Variants in EFCAB5 observed in about 807,000 individuals in gnomAD.
EFCAB5 encodes EF-hand calcium binding domain 5.
EFCAB5 carries 131 observed loss-of-function variants against 167.9 expected under a neutral mutation model. That is an observed-to-expected ratio of 0.78 (90% CI 0.68 to 0.90). EFCAB5 has a LOEUF of 0.90. EFCAB5 is among the 40% of genes least tolerant of loss of function. The probability of loss-of-function intolerance (pLI) is 0.00; values close to 1 mark genes in which losing one functional copy is unlikely to be tolerated. For missense variants in EFCAB5, 1,663 were observed against 1,745.2 expected (o/e 0.95, Z 0.84); for synonymous variants, 574 against 602.8 (o/e 0.95, Z 0.70).
At chr17:30,080,549 TG>T (rs2070965120) in intron 16 of EFCAB5, among the ~76,000 whole-genome samples, 2 of 104,562 alleles carry the variant, frequency 1.9e-5, no homozygotes, top group East Asian at 4.6e-4. Context: ...CATCCAAGCT[TG>T]TTTTTTTTTT....
chr17:30,093,000 T>C (rs1375624925), intron 22 of EFCAB5, 64 bp downstream of exon 22: 11 of 1,327,090 alleles, frequency 8.3e-6, no homozygotes, highest in African/African-American at 1.5e-5. Flanking sequence ...GTTGTGATTT[T>C]TATTAGGATA....
intron 7 of EFCAB5, among the ~76,000 whole-genome samples, chr17:30,007,445 C>T (rs911024005): frequency 1.2e-4 from 19 of 152,168 alleles, no homozygotes; most frequent in African/African-American, 4.1e-4. Context: ...TACTCATAAA[C>T]TGCCCAAGTA....
intron 22 of EFCAB5, among the ~76,000 whole-genome samples, chr17:30,096,677 A>ATATTTTTTTTT (rs1193558323): frequency 1.2e-4 from 7 of 60,128 alleles, no homozygotes; most frequent in African/African-American, 5.9e-4. Flanking sequence ...ATATATATAT[A>ATATTTTTTTTT]TTTTTTTTTT....
intron 7 of EFCAB5, among the ~76,000 whole-genome samples, chr17:30,027,958 C>T (rs1376278247): frequency 2.6e-5 from 4 of 152,312 alleles, no homozygotes; most frequent in Admixed American, 2.6e-4. Context: ...GAGGTCCACT[C>T]CTGAATCATA....
At chr17:29,957,183 C>CT (rs2067633016) in intron 3 of EFCAB5, among the ~76,000 whole-genome samples, 1 of 151,974 alleles carries the variant, frequency 6.6e-6, no homozygotes, top group African/African-American at 2.4e-5. Flanking sequence ...TCATCAAATG[C>CT]TTTTTTGGCA....
At chr17:30,062,467 C>A (rs758602580) in intron 14 of EFCAB5, among the ~76,000 whole-genome samples, 57 of 152,226 alleles carry the variant, frequency 3.7e-4, no homozygotes, top group Admixed American at 6.5e-4. Context: ...ACACAGCTCA[C>A]TACTGGGGTC....
chr17:30,050,425 G>T (rs1470006207), intron 8 of EFCAB5, among the ~76,000 whole-genome samples: 1 of 152,190 alleles, frequency 6.6e-6, no homozygotes, highest in South Asian at 2.1e-4. Flanking sequence ...GTGAGCCACC[G>T]CGCCTGGCCT....
At chr17:30,106,836 G>C (rs2071455801) in intron 22 of EFCAB5, among the ~76,000 whole-genome samples, 1 of 152,226 alleles carries the variant, frequency 6.6e-6, no homozygotes, top group Admixed American at 6.5e-5. Context: ...AGCTACTTGG[G>C]AGGCTGAAGT....
chr17:30,057,770 G>T lies in EFCAB5; in HGVS notation c.2460G>T (p.Val820=). 1.9e-6 allele frequency: 3 copies of T among 1,613,826 alleles called. No individual in the cohort carries two copies. Among genetic ancestry groups the T allele is most frequent in the African/African-American group, 1.3e-5 (1 of 75,012 alleles). The change falls in exon 13 of 23, where the codon GTG becomes GTT. Residue 820 remains valine (V), a synonymous_variant. Coordinates refer to ENST00000394835, the MANE Select transcript of EFCAB5 (RefSeq NM_198529.4). ...NGVSFNLLQF[V]QLLETFVGED... ...TTTCATTCAATCTGCTCCAGTTTGT[G>T]CAACTCCTGGAGACATTTGTTGGTG...
intron 4 of EFCAB5, among the ~76,000 whole-genome samples, chr17:29,981,928 A>G (rs1396145984): frequency 6.6e-6 from 1 of 152,196 alleles, no homozygotes; most frequent in Non-Finnish European, 1.5e-5. Flanking sequence ...CTAATTATTC[A>G]TCTGCTTAAA....
At chr17:30,061,518 C>T (rs1012494276) in intron 14 of EFCAB5, among the ~76,000 whole-genome samples, 1 of 152,150 alleles carries the variant, frequency 6.6e-6, no homozygotes, top group Non-Finnish European at 1.5e-5. Context: ...CTGGTGTCCT[C>T]AAAATGGAAG....
intron 22 of EFCAB5, among the ~76,000 whole-genome samples, chr17:30,106,976 G>A (rs965312079): frequency 6.6e-6 from 1 of 152,308 alleles, no homozygotes; most frequent in South Asian, 2.1e-4. Context: ...TTTGTTTTAT[G>A]GAAGAAGAAA....
At chr17:30,029,080 AT>A (rs1310246168) in intron 7 of EFCAB5, among the ~76,000 whole-genome samples, 1 of 152,182 alleles carries the variant, frequency 6.6e-6, no homozygotes, top group East Asian at 1.9e-4. Context: ...TTAATTTGTC[AT>A]TTTTATTATT....
chr17:30,062,799 T>C (rs998553946), intron 14 of EFCAB5, among the ~76,000 whole-genome samples: 2 of 152,094 alleles, frequency 1.3e-5, no homozygotes, highest in African/African-American at 4.8e-5. Flanking sequence ...ACCGCTCCCT[T>C]CATTCCCTTG....
At chr17:29,993,016 G>T in intron 4 of EFCAB5, 149 bp from the exon 5 acceptor site, 1 of 670,110 alleles carries the variant, frequency 1.5e-6, no homozygotes, top group Non-Finnish European at 2.2e-6. Context: ...AGTGCTTGTG[G>T]AAGAAGGGCT....
chr17:30,028,726 A>T (rs944850240), intron 7 of EFCAB5, among the ~76,000 whole-genome samples: 1 of 152,168 alleles, frequency 6.6e-6, no homozygotes, highest in African/African-American at 2.4e-5. Flanking sequence ...AATTCCTCAC[A>T]ACTGTGGAAG....
At chr17:30,029,217 A>G (rs1271059592) in intron 7 of EFCAB5, among the ~76,000 whole-genome samples, 1 of 152,230 alleles carries the variant, frequency 6.6e-6, no homozygotes, top group African/African-American at 2.4e-5. Flanking sequence ...ATGGGATTAC[A>G]TCCTGGTAAA....
At chr17:29,975,892 G>T (rs141820209) in intron 4 of EFCAB5, among the ~76,000 whole-genome samples, 5 of 152,242 alleles carry the variant, frequency 3.3e-5, no homozygotes, top group Admixed American at 3.3e-4. Flanking sequence ...TCCATAAGAG[G>T]TTATTATTGC....
At chr17:30,010,330 G>T (rs2068869082) in intron 7 of EFCAB5, among the ~76,000 whole-genome samples, 1 of 152,130 alleles carries the variant, frequency 6.6e-6, no homozygotes, top group Non-Finnish European at 1.5e-5. Context: ...CCAGTAATGG[G>T]ATCACTGGGT....
Sources: allele counts gnomAD v4.1 joint callset (sites outside exome capture counted in the v4.1 genomes callset), GRCh38; gene constraint gnomAD v4.1.1; transcripts MANE v1.5; gene names NCBI Gene and HGNC (gene_info 2026-07-23, HGNC 2026-07-21).